The following PAQR3 variants were observed in gnomAD, a reference collection of about 807,000 sequenced individuals.
The protein encoded by PAQR3 is progestin and adipoQ receptor family member 3, also known as Raf kinase trapping to Golgi.
In PAQR3, 39 loss-of-function variants were observed where a neutral mutation model predicts 41.7. That is an observed-to-expected ratio of 0.93 (90% CI 0.72 to 1.22). The LOEUF is 1.22. Among genes scored for constraint, PAQR3 ranks in the 50% most tolerant of loss-of-function variants. The probability of loss-of-function intolerance (pLI) is 0.00; values close to 1 mark genes in which losing one functional copy is unlikely to be tolerated. For synonymous variants in PAQR3, 140 were observed against 140.6 expected, an observed-to-expected ratio of 1.00 and a Z score of 0.03; for missense variants, 366 against 385.6, an observed-to-expected ratio of 0.95 and a Z score of 0.42.
In PAQR3 at chr4:78,918,585, T is replaced by A; in HGVS notation, c.*1954A>T. On this transcript the variant is annotated 3_prime_UTR_variant, in exon 6 of 6. Transcript: ENST00000512733. ...CAGAAAGACCTGTACACCCTTTAAATTCAAAGAAACACGGATTTAAAAACA... is the reference window on the plus strand; with the variant it reads ...CAGAAAGACCTGTACACCCTTTAAAATCAAAGAAACACGGATTTAAAAACA... 1.0e-6 allele frequency: 1 copy of A among 974,264 alleles called. No homozygotes were observed. Among genetic ancestry groups the A allele is most frequent in the Non-Finnish European group, 1.2e-6 (1 of 819,444 alleles). The allele number at this position is 974,264 out of a possible 1,614,324, so 60.4% of individuals were successfully genotyped here.
chr4:78,910,475 GACA>G (rs1227965148), downstream of PAQR3: 89 of 739,816 alleles, frequency 1.2e-4, no homozygotes, highest in Middle Eastern at 3.9e-4. Context: ...ACGAAGAATT[GACA>G]ACATTATTTT....
intron 11 of PAQR3, among the ~76,000 whole-genome samples, chr4:78,900,567 G>A (rs1044060087): frequency 1.3e-5 from 2 of 152,178 alleles, no homozygotes; most frequent in African/African-American, 4.8e-5. Flanking sequence ...AGGGAATTAA[G>A]GATAATTCAT....
At chr4:78,938,736 A>G (rs776702520) in intron 1 of PAQR3, among the ~76,000 whole-genome samples, 2 of 152,042 alleles carry the variant, frequency 1.3e-5, no homozygotes, top group Non-Finnish European at 2.9e-5. Context: ...CCCCATTTCA[A>G]TATATATCTC....
downstream of PAQR3, among the ~76,000 whole-genome samples, chr4:78,908,062 T>C (rs995994906): frequency 2.6e-5 from 4 of 152,222 alleles, no homozygotes; most frequent in African/African-American, 9.6e-5. Context: ...AAATACGCTG[T>C]GTAGGGAAGA....
chr4:78,887,446 AT>A (rs1733157732), intron 12 of PAQR3: 1 of 609,498 alleles, frequency 1.6e-6, no homozygotes, highest in Non-Finnish European at 2.9e-6. Flanking sequence ...TGTTCTTTGC[AT>A]TGAGTTATTA....
In PAQR3 at chr4:78,920,806, C is replaced by T. The variant is rs1735587972; in HGVS notation, c.794-125G>A. The T allele has an allele frequency of 3.0e-6, 3 of 1,011,304 alleles. No individual in the cohort carries two copies. The South Asian group carries it at 6.7e-5, about 23-fold the overall frequency. 62.6% of individuals were successfully genotyped at this position (1,011,304 alleles called of 1,614,324 possible). On this transcript the variant is annotated intron_variant, in intron 5 of 5. Transcript: ENST00000512733. ...TAGTCTCAGAGTGCCTAGAGACTAA[C>T]TGGAAGCTCCAAACGTTTTTAGAAA...
Position 78,915,485 on chromosome 4 carries a change from G to A in PAQR3, c.*5054C>T, listed in dbSNP as rs186779174. ...TTTTTCTCATTTTTTTTTCTTTTTA[G>A]CAAACTTGTTATTTTAGGTCCAATT... On this transcript the variant is annotated 3_prime_UTR_variant, in exon 6 of 6. Transcript: ENST00000512733. The A allele has an allele frequency of 6.6e-6, 1 of 151,268 alleles. No individual in the cohort carries two copies. Among genetic ancestry groups the A allele is most frequent in the Non-Finnish European group, 1.5e-5 (1 of 67,764 alleles). The allele number at this position is 151,268 out of a possible 1,614,324, so 9.4% of individuals were successfully genotyped here. A position where few individuals can be genotyped will look rare whatever the true frequency, so the allele number is the denominator to read the frequency against.
rs1358253903 is a variant in PAQR3 at position 78,918,723 on chromosome 4, A to G, written c.*1816T>C. 3 of 972,100 alleles carry G rather than the reference A, an allele frequency of 3.1e-6. No individual in the cohort carries two copies. Among genetic ancestry groups the G allele is most frequent in the Non-Finnish European group, 3.7e-6 (3 of 818,082 alleles). 60.2% of individuals were successfully genotyped at this position (972,100 alleles called of 1,614,324 possible). A position where few individuals can be genotyped will look rare whatever the true frequency, so the allele number is the denominator to read the frequency against. Reference sequence around the variant, plus strand: ...TGTTTTTTTATTTTGAGAAAGTTTTATAATAAAAATGGCTCCACACCTAAA... The same window carrying G: ...TGTTTTTTTATTTTGAGAAAGTTTTGTAATAAAAATGGCTCCACACCTAAA... On this transcript the variant is annotated 3_prime_UTR_variant, in exon 6 of 6. Coordinates refer to ENST00000512733, the MANE Select transcript of PAQR3 (RefSeq NM_001040202.2).
At chr4:78,930,540 A>C in intron 2 of PAQR3, 2 of 358,242 alleles carry the variant, frequency 5.6e-6, no homozygotes, top group Non-Finnish European at 9.9e-6. Flanking sequence ...TCATGGGTAA[A>C]ATGTAGATAA....
chr4:78,926,533 A>G lies in PAQR3; in HGVS notation c.690T>C (p.Ala230=). The G allele has an allele frequency of 1.2e-6, 2 of 1,612,352 alleles. No individual in the cohort carries two copies. Among genetic ancestry groups the G allele is most frequent in the Non-Finnish European group, 1.7e-6 (2 of 1,178,366 alleles). ...HWVWLNGGIG[A]PIVQDFAPRV... ...ACACTCAACCTACCTGTACAATAGG[A>G]GCACCAATTCCTCCATTGAGCCAAA... Residue 230 remains alanine, a synonymous_variant, in exon 4 of 6, where the codon GCT becomes GCC. Transcript: ENST00000512733.
At chr4:78,928,005 G>C (rs1476588130) in intron 3 of PAQR3, among the ~76,000 whole-genome samples, 1 of 152,210 alleles carries the variant, frequency 6.6e-6, no homozygotes, top group African/African-American at 2.4e-5. Context: ...AAAATGATTA[G>C]AAACCAGATG....
Position 78,929,311 on chromosome 4 carries a change from A to G in PAQR3, c.504+859T>C, listed in dbSNP as rs145700965. On this transcript the variant is annotated intron_variant, in intron 3 of 5. Coordinates refer to ENST00000512733, the MANE Select transcript of PAQR3 (RefSeq NM_001040202.2). ...GGAGGTAACTAAAAGGGCAAAAGAA[A>G]AAACAAGGGCATGGTAGAAAAACAG... Among the ~76,000 whole-genome samples, 499 of 152,348 alleles carry G rather than the reference A, an allele frequency of 3.3e-3. 1 individual carries two copies. Among genetic ancestry groups the G allele is most frequent in the Non-Finnish European group, 4.8e-3 (329 of 68,032 alleles).
intron 5 of PAQR3, chr4:78,922,823 A>G: frequency 2.3e-6 from 1 of 426,888 alleles, no homozygotes; most frequent in South Asian, 1.7e-5. Flanking sequence ...CACTTAAGTA[A>G]CTTACTTAGC....
At chr4:78,930,880 T>TTATATATATATATATA (rs147412098) in intron 2 of PAQR3, among the ~76,000 whole-genome samples, 1 of 150,278 alleles carries the variant, frequency 6.7e-6, no homozygotes, top group Non-Finnish European at 1.5e-5. Flanking sequence ...CATGCACACA[T>TTATATATATATATATA]TATATATATA....
chr4:78,894,925 C>T lies in PAQR3; in HGVS notation c.*837-6777G>A, dbSNP rs549369464. ...TGTTGTGTCTCAGGGAATAGGGAGA[C>T]CTAAGGAAAGGGAGAGAGACACGGA... On this transcript the variant is annotated intron_variant and NMD_transcript_variant, in intron 11 of 12. Coordinates refer to the PAQR3 transcript ENST00000342820. Among the ~76,000 whole-genome samples the T allele has an allele frequency of 3.0e-4, 46 of 152,092 alleles. No individual in the cohort carries two copies. In the South Asian group the frequency reaches 9.1e-3, roughly 30 times the overall value.
At chr4:78,908,430 T>A (rs577763380), downstream of PAQR3, among the ~76,000 whole-genome samples, 2 of 152,328 alleles carry the variant, frequency 1.3e-5, no homozygotes, top group East Asian at 3.9e-4. Flanking sequence ...TGGCTGTTAC[T>A]TTGTAGTTTG....
chr4:78,912,055 C>T lies in PAQR3; in HGVS notation c.*8484G>A. On this transcript the variant is annotated 3_prime_UTR_variant, in exon 6 of 6. Coordinates refer to ENST00000512733, the MANE Select transcript of PAQR3 (RefSeq NM_001040202.2). ...GTAGATACTTCTGATGGATTCTCGG[C>T]ATTAACTCCTGTTTCAAAAAAGTGT... is the stretch of plus-strand genomic sequence containing the variant. The T allele has an allele frequency of 6.4e-7, 1 of 1,553,350 alleles. No individual in the cohort carries two copies. Among genetic ancestry groups the T allele is most frequent in the Non-Finnish European group, 8.7e-7 (1 of 1,146,346 alleles).
chr4:78,894,947 C>T (rs62307966), intron 11 of PAQR3, among the ~76,000 whole-genome samples: 10,470 of 152,116 alleles, frequency 0.069, 501 homozygotes, highest in East Asian at 0.22. Flanking sequence ...GAGAGAGACA[C>T]GGAACAGCTG....
downstream of PAQR3, chr4:78,911,610 C>T (rs767882432): frequency 8.1e-6 from 13 of 1,613,668 alleles, no homozygotes; most frequent in Non-Finnish European, 1.1e-5. Context: ...CTCGCAGGCA[C>T]AAAAAAGTGG....
Sources: gnomAD v4.1 joint callset for allele counts (sites outside exome capture counted in the v4.1 genomes callset) on GRCh38, gnomAD v4.1.1 for gene constraint, MANE v1.5 for transcripts, NCBI Gene and HGNC (gene_info 2026-07-23, HGNC 2026-07-21) for gene names.